The following BCR variants were observed in gnomAD, a reference collection of about 807,000 sequenced individuals.
The protein encoded by BCR is BCR activator of RhoGEF and GTPase, also known as breakpoint cluster region protein.
BCR carries 58 observed loss-of-function variants against 138.6 expected under a neutral mutation model. That is an observed-to-expected ratio of 0.42 (90% confidence interval 0.34 to 0.52). BCR has a LOEUF of 0.52. Ranked by LOEUF, BCR falls within the 20% of genes least tolerant of loss-of-function variation. The pLI is 0.06. For missense variants in BCR, 1,599 were observed against 1,727.2 expected, an observed-to-expected ratio of 0.93 and a Z score of 1.32; for synonymous variants, 786 against 730.1, an observed-to-expected ratio of 1.08 and a Z score of -1.23.
intron 1 of BCR, among the ~76,000 whole-genome samples, chr22:23,214,735 C>T (rs886485557): frequency 5.9e-5 from 9 of 152,192 alleles, no homozygotes; most frequent in African/African-American, 1.9e-4. Context: ...CGTTTGTGAG[C>T]GTGCATTGTC....
intron 16 of BCR, among the ~76,000 whole-genome samples, chr22:23,301,927 A>G (rs1269684894): frequency 1.3e-5 from 2 of 152,216 alleles, no homozygotes; most frequent in African/African-American, 4.8e-5. Context: ...GCACCTGCCC[A>G]CACACAAGGA....
intron 1 of BCR, among the ~76,000 whole-genome samples, chr22:23,224,116 G>A (rs1425288101): frequency 3.9e-5 from 6 of 152,196 alleles, no homozygotes; most frequent in Non-Finnish European, 5.9e-5. Context: ...AGACAGGCTC[G>A]GGCGCAGATC....
At chr22:23,261,105 G>A in intron 3 of BCR, 51 bp downstream of exon 3, 1 of 1,557,812 alleles carries the variant, frequency 6.4e-7, no homozygotes, top group Non-Finnish European at 8.8e-7. Flanking sequence ...AGGGTGACAG[G>A]GTTGGGGAGC....
At chr22:23,271,083 G>C (rs2073504500) in intron 5 of BCR, among the ~76,000 whole-genome samples, 1 of 152,232 alleles carries the variant, frequency 6.6e-6, no homozygotes, top group South Asian at 2.1e-4. Context: ...GCATGCTCCT[G>C]TTGGCCTCCA....
In BCR at chr22:23,317,171, T is replaced by C. The variant is rs4049754; in HGVS notation, c.*1649T>C. The C allele has an allele frequency of 8.1e-3, 1,508 of 186,152 alleles. 25 individuals carry two copies. The highest frequency in any genetic ancestry group is 0.031 in the African/African-American group (1,119 of 36,142). The allele number at this position is 186,152 out of a possible 1,614,324, so 11.5% of individuals were successfully genotyped here. A position where few individuals can be genotyped will look rare whatever the true frequency, so the allele number is the denominator to read the frequency against. ...CGCAGCTCACTAGGGAGCCTGACAG[T>C]GGGGCCATGCGCCTGACACTCCTCT... On this transcript the variant is annotated 3_prime_UTR_variant, in exon 23 of 23. Transcript: ENST00000305877.
At chr22:23,261,898 T>A (rs188005156) in intron 4 of BCR, 1,771 of 171,450 alleles carry the variant, frequency 0.01, 80 homozygotes, top group Admixed American at 0.088. Flanking sequence ...CTTGGCTGTT[T>A]CACTCCTTCT....
intron 16 of BCR, among the ~76,000 whole-genome samples, chr22:23,308,848 G>A (rs1301569074): frequency 6.6e-6 from 1 of 152,168 alleles, no homozygotes; most frequent in African/African-American, 2.4e-5. Flanking sequence ...GGTGGGGGTA[G>A]AAGTTAGAGG....
At chr22:23,288,682 C>G (rs1365000187) in intron 12 of BCR, among the ~76,000 whole-genome samples, 1 of 152,114 alleles carries the variant, frequency 6.6e-6, no homozygotes, top group East Asian at 1.9e-4. Flanking sequence ...TCACACTGTG[C>G]TGGCCCCACT....
At position 23,273,714 on chromosome 22, in the gene BCR, G is replaced by A; in HGVS notation, c.2055G>A (p.Leu685=). The A allele has an allele frequency of 6.2e-7, 1 of 1,614,142 alleles. No homozygotes were observed. The highest frequency in any genetic ancestry group is 8.5e-7 in the Non-Finnish European group (1 of 1,180,030). The change falls in exon 8 of 23, where the codon CTG becomes CTA. Residue 685 remains leucine, a synonymous_variant. Coordinates refer to ENST00000305877, the MANE Select transcript of BCR (RefSeq NM_004327.4). The part of the protein sequence containing the change: ...QDALRISQNF[L]SSINEEITPR... ...CCCTCCGCATCTCACAGAACTTCCTGTCCAGCATCAATGAGGAGATCACAC... is the reference window on the plus strand; with the variant it reads ...CCCTCCGCATCTCACAGAACTTCCTATCCAGCATCAATGAGGAGATCACAC...
At chr22:23,252,764 T>G (rs1203637300) in intron 1 of BCR, among the ~76,000 whole-genome samples, 1 of 152,134 alleles carries the variant, frequency 6.6e-6, no homozygotes, top group Non-Finnish European at 1.5e-5. Context: ...CCAACCCCCC[T>G]GTATGGGGGA....
At chr22:23,208,984 T>C (rs7290275) in intron 1 of BCR, among the ~76,000 whole-genome samples, 10,328 of 152,284 alleles carry the variant, frequency 0.068, 1,164 homozygotes, top group African/African-American at 0.23. Flanking sequence ...TGGATTCATA[T>C]AGCCTTCGTC....
intron 2 of BCR, among the ~76,000 whole-genome samples, chr22:23,258,388 G>T (rs1461481103): frequency 6.6e-6 from 1 of 152,208 alleles, no homozygotes; most frequent in Non-Finnish European, 1.5e-5. Context: ...GAGGGCATTT[G>T]CCTGAGACCA....
At chr22:23,220,988 C>T (rs906983754) in intron 1 of BCR, among the ~76,000 whole-genome samples, 6 of 152,162 alleles carry the variant, frequency 3.9e-5, no homozygotes, top group African/African-American at 1.4e-4. Flanking sequence ...GAACCCGCCT[C>T]TTTGATGGTA....
At chr22:23,313,714 C>T (rs950756161) in intron 20 of BCR, among the ~76,000 whole-genome samples, 3 of 152,168 alleles carry the variant, frequency 2.0e-5, no homozygotes, top group Non-Finnish European at 4.4e-5. Context: ...TGAGCAGCTG[C>T]TCTAGCGGCT....
chr22:23,226,569 A>G (rs2072897050), intron 1 of BCR, among the ~76,000 whole-genome samples: 1 of 152,214 alleles, frequency 6.6e-6, no homozygotes, highest in African/African-American at 2.4e-5. Context: ...TCTCCCTCAC[A>G]TTTAGGCCAG....
chr22:23,201,339 G>A (rs1182802732), intron 1 of BCR, among the ~76,000 whole-genome samples: 2 of 152,218 alleles, frequency 1.3e-5, no homozygotes, highest in East Asian at 3.8e-4. Context: ...CCTGGCAGTT[G>A]TAGGACTGAG....
chr22:23,200,533 A>G (rs2072540778), intron 1 of BCR, among the ~76,000 whole-genome samples: 1 of 151,836 alleles, frequency 6.6e-6, no homozygotes, highest in Non-Finnish European at 1.5e-5. Flanking sequence ...CCCAGGCTAC[A>G]AGAGGACTTT....
At chr22:23,302,598 G>A (rs2073914895) in intron 16 of BCR, 1 of 152,314 alleles carries the variant, frequency 6.6e-6, no homozygotes. Context: ...ATTCAAAAAG[G>A]CTGGGCTCCG....
At chr22:23,188,793 G>A (rs966812428) in intron 1 of BCR, among the ~76,000 whole-genome samples, 1 of 151,888 alleles carries the variant, frequency 6.6e-6, no homozygotes, top group Non-Finnish European at 1.5e-5. Context: ...GAAAAGTGTA[G>A]TTATTTTAAT....
Sources: gnomAD v4.1 joint callset for allele counts (sites outside exome capture counted in the v4.1 genomes callset) on GRCh38, gnomAD v4.1.1 for gene constraint, MANE v1.5 for transcripts, NCBI Gene and HGNC (gene_info 2026-07-23, HGNC 2026-07-21) for gene names.